The following VAMP7 variants were observed in gnomAD, a reference collection of about 807,000 sequenced individuals.
VAMP7 encodes vesicle-associated membrane protein 7.
Under a neutral mutation model 29.6 loss-of-function variants are expected in VAMP7, and 14 were observed. The observed-to-expected ratio is 0.47, with a 90% CI of 0.31 to 0.74. VAMP7 has a LOEUF of 0.74. VAMP7 is among the 30% of genes least tolerant of loss of function. The pLI is 0.05. For synonymous variants in VAMP7, 95 were observed against 88.1 expected (o/e 1.08, Z -0.44); for missense variants, 223 against 262.4 (o/e 0.85, Z 1.04).
At chrX:155,895,535 A>G (rs1018263757) in intron 2 of VAMP7, 88 bp from the exon 3 acceptor site, 12 of 905,156 alleles carry the variant, frequency 1.3e-5, no homozygotes, top group Middle Eastern at 2.2e-4. Flanking sequence ...CATTGGCAGT[A>G]CTGAACGTGC....
At position 155,925,290 on chromosome X, in the gene VAMP7, C is replaced by T. The variant is rs187824770; in HGVS notation, c.501+5410C>T. Among the ~76,000 whole-genome samples, 7 of 152,198 alleles carry T rather than the reference C, an allele frequency of 4.6e-5. No individual in the cohort carries two copies. In the East Asian group the frequency reaches 1.4e-3, roughly 29 times the overall value. On this transcript the variant is annotated intron_variant, in intron 6 of 7. Coordinates refer to ENST00000286448, the MANE Select transcript of VAMP7 (RefSeq NM_005638.6). ...CTAGAAGGTCTTCAGTTTACTTTGC[C>T]CAGATCCATCAGAGGAATCATTATC...
chrX:155,941,878 T>G lies in VAMP7; in HGVS notation c.595-5T>G. ...AAAATAAAATTGCTCTCCTCGTCCCTCCAGGTGTTCATCTATATCATTGTT... is the reference window on the plus strand; with the variant it reads ...AAAATAAAATTGCTCTCCTCGTCCCGCCAGGTGTTCATCTATATCATTGTT... On this transcript the variant is annotated splice_polypyrimidine_tract_variant and splice_region_variant and intron_variant, in intron 7 of 7. Transcript: ENST00000286448. 1 of 1,613,584 alleles carries G rather than the reference T, an allele frequency of 6.2e-7. No individual in the cohort carries two copies. Among genetic ancestry groups the G allele is most frequent in the South Asian group, 1.1e-5 (1 of 91,028 alleles).
intron 5 of VAMP7, among the ~76,000 whole-genome samples, chrX:155,916,800 A>G (rs2124338350): frequency 6.6e-6 from 1 of 151,866 alleles, no homozygotes; most frequent in South Asian, 2.1e-4. Flanking sequence ...TTTTTCCTGC[A>G]TTTCATCCTT....
intron 6 of VAMP7, among the ~76,000 whole-genome samples, chrX:155,932,056 C>G (rs1448052000): frequency 2.0e-5 from 3 of 152,148 alleles, no homozygotes; most frequent in African/African-American, 7.2e-5. Flanking sequence ...TGTTCTGTTC[C>G]ATTGGTCTAT....
chrX:155,884,139 T>C (rs867643718), intron 1 of VAMP7, among the ~76,000 whole-genome samples: 1 of 152,022 alleles, frequency 6.6e-6, no homozygotes, highest in Admixed American at 6.6e-5. Context: ...CTTTTTTTTT[T>C]CTTTTGAGAC....
At position 155,939,770 on chromosome X, in the gene VAMP7, A is replaced by G. The variant is rs2066716377; in HGVS notation, c.571A>G (p.Ile191Val). 1.9e-6 allele frequency: 3 copies of G among 1,609,840 alleles called. No individual in the cohort carries two copies. The highest frequency in any genetic ancestry group is 2.2e-5 in the South Asian group (2 of 91,044). ...GTGTATGAAGAACCTCAAGCTCACT[A>G]TTATCATCATCATCGTATCAATTGT... The part of the protein sequence containing the change: ...AMCMKNLKLT[I>V]IIIIVSIVFI... The change falls in exon 7 of 8, where the codon ATT becomes GTT. Residue 191 changes from isoleucine (I) to valine (V), a missense_variant. By Grantham distance (29) the Ile-to-Val change is conservative. Transcript: ENST00000286448.
intron 5 of VAMP7, among the ~76,000 whole-genome samples, chrX:155,915,583 C>T (rs1178433537): frequency 6.6e-6 from 1 of 152,082 alleles, no homozygotes; most frequent in Non-Finnish European, 1.5e-5. Flanking sequence ...TCATTGGTTT[C>T]AAAAAACTTA....
rs973348199 is a variant in VAMP7 at position 155,892,044 on chromosome X, TATG to T, written c.146+2434_146+2436del. On this transcript the variant is annotated intron_variant, in intron 2 of 7. Transcript: ENST00000286448. ...GGGCATATATCTTCCACTCATGTAT[TATG>T]AGCCAGAATTTAGTCACAGCCATAT... Among the ~76,000 whole-genome samples, 289 of 152,272 alleles carry T rather than the reference TATG, an allele frequency of 1.9e-3. 1 individual carries two copies. Among genetic ancestry groups the T allele is most frequent in the Non-Finnish European group, 3.1e-3 (214 of 68,032 alleles).
rs187657167 is a variant in VAMP7 at position 155,924,824 on chromosome X, G to A, written c.501+4944G>A. Among the ~76,000 whole-genome samples the A allele has an allele frequency of 2.6e-3, 398 of 152,248 alleles. 2 individuals carry two copies. The highest frequency in any genetic ancestry group is 5.0e-3 in the Non-Finnish European group (341 of 67,996). On this transcript the variant is annotated intron_variant, in intron 6 of 7. Coordinates refer to ENST00000286448, the MANE Select transcript of VAMP7 (RefSeq NM_005638.6). Reference sequence around the variant, plus strand: ...CTGTAGCATGTGTTGCTATTTGATAGCAATTTACTGGCAATAGAACTTCTT... The same window carrying A: ...CTGTAGCATGTGTTGCTATTTGATAACAATTTACTGGCAATAGAACTTCTT...
At chrX:155,935,254 T>C (rs2124398123) in intron 6 of VAMP7, among the ~76,000 whole-genome samples, 1 of 152,290 alleles carries the variant, frequency 6.6e-6, no homozygotes, top group East Asian at 1.9e-4. Context: ...CCTGCCTTGC[T>C]AGGTTGGGGA....
intron 6 of VAMP7, among the ~76,000 whole-genome samples, chrX:155,936,997 A>ATGGAT (rs2066669515): frequency 6.6e-6 from 1 of 152,202 alleles, no homozygotes; most frequent in Non-Finnish European, 1.5e-5. Context: ...CCTTATGTTT[A>ATGGAT]TGGATTGGAA....
At chrX:155,915,016 A>G (rs1330659481) in intron 5 of VAMP7, among the ~76,000 whole-genome samples, 1 of 152,128 alleles carries the variant, frequency 6.6e-6, no homozygotes, top group Non-Finnish European at 1.5e-5. Context: ...TTGGTAGGCT[A>G]TTAATTACTG....
At chrX:155,933,655 G>C (rs1323327031) in intron 6 of VAMP7, among the ~76,000 whole-genome samples, 2 of 152,042 alleles carry the variant, frequency 1.3e-5, no homozygotes, top group Admixed American at 6.5e-5. Flanking sequence ...CAAAAAACCA[G>C]CTCCTGGATT....
chrX:155,885,591 G>A (rs1435559755), intron 1 of VAMP7, among the ~76,000 whole-genome samples: 2 of 152,164 alleles, frequency 1.3e-5, no homozygotes, highest in Admixed American at 1.3e-4. Flanking sequence ...TAATTAAGAT[G>A]TAATTGAAAA....
chrX:155,940,346 A>G (rs1164608364), intron 7 of VAMP7, among the ~76,000 whole-genome samples: 2 of 152,088 alleles, frequency 1.3e-5, no homozygotes, highest in Non-Finnish European at 2.9e-5. Flanking sequence ...AGTTACCTCC[A>G]AGCAGATAAC....
At chrX:155,888,299 G>T (rs754085223) in intron 1 of VAMP7, among the ~76,000 whole-genome samples, 64 of 152,296 alleles carry the variant, frequency 4.2e-4, no homozygotes, top group Middle Eastern at 3.4e-3. Context: ...TGAATCACCT[G>T]CATCCAGACA....
At position 155,939,845 on chromosome X, in the gene VAMP7, T is replaced by C. The variant is rs765568976; in HGVS notation, c.594+52T>C. 3.6e-6 allele frequency: 5 copies of C among 1,378,072 alleles called. 1 individual carries two copies. The South Asian group carries it at 5.8e-5, about 16-fold the overall frequency. 85.4% of individuals were successfully genotyped at this position (1,378,072 alleles called of 1,614,324 possible). A position where few individuals can be genotyped will look rare whatever the true frequency, so the allele number is the denominator to read the frequency against. On this transcript the variant is annotated intron_variant, in intron 7 of 7. Coordinates refer to ENST00000286448, the MANE Select transcript of VAMP7 (RefSeq NM_005638.6). ...GCTTTATTTTTCAATCTCTAAGAAA[T>C]TAGGTACTAGAATTATTTCTCAATG...
intron 1 of VAMP7, among the ~76,000 whole-genome samples, chrX:155,882,532 A>G (rs771645806): frequency 1.4e-4 from 21 of 152,260 alleles, no homozygotes; most frequent in African/African-American, 4.3e-4. Context: ...CTGTCTAAGC[A>G]GTGTTTATTC....
chrX:155,918,355 GAAA>G (rs925146552), intron 5 of VAMP7, among the ~76,000 whole-genome samples: 1 of 151,000 alleles, frequency 6.6e-6, no homozygotes, highest in African/African-American at 2.4e-5. Context: ...ACTGGGGTAT[GAAA>G]AAAAAACTCC....
Sources: gnomAD v4.1 joint callset for allele counts (sites outside exome capture counted in the v4.1 genomes callset) on GRCh38, gnomAD v4.1.1 for gene constraint, MANE v1.5 for transcripts, NCBI Gene and HGNC (gene_info 2026-07-23, HGNC 2026-07-21) for gene names.